Variants in NBAS observed in about 807,000 individuals in gnomAD.
The protein encoded by NBAS is NBAS subunit of NRZ tethering complex, also known as NAG/BC035112 fusion.
NBAS carries 219 observed loss-of-function variants against 302.5 expected under a neutral mutation model. The observed-to-expected ratio is 0.72, with a 90% CI of 0.65 to 0.81. The LOEUF is 0.81. Ranked by LOEUF, NBAS falls within the 30% of genes least tolerant of loss-of-function variation. NBAS has a pLI of 0.00. For synonymous variants in NBAS, 1,118 were observed against 1,021.6 expected (o/e 1.09, Z -1.80); for missense variants, 2,932 against 2,841.6 (o/e 1.03, Z -0.72).
At chr2:14,787,814 C>T in the NBAS span, among the ~76,000 whole-genome samples, 2 of 152,130 alleles carry the variant, frequency 1.3e-5, no homozygotes, top group Non-Finnish European at 2.9e-5. Flanking sequence ...AGTTGCTGTT[C>T]TCAAGGAGTA....
At chr2:14,793,981 C>T in the NBAS span, among the ~76,000 whole-genome samples, 1 of 152,026 alleles carries the variant, frequency 6.6e-6, no homozygotes, top group Non-Finnish European at 1.5e-5. Flanking sequence ...AGTAGAAATA[C>T]AAACATTCTC....
chr2:14,938,421 A>G, the NBAS span, among the ~76,000 whole-genome samples: 57 of 152,362 alleles, frequency 3.7e-4, no homozygotes, highest in South Asian at 2.1e-4. Context: ...AGAAAATTAA[A>G]TGATGTCAAA....
rs142006451 is a variant in NBAS at position 15,467,677 on chromosome 2, C to G, written c.2005G>C (p.Val669Leu). The change falls in exon 18 of 52, where the codon GTG (valine) becomes CTG (leucine). Residue 669 changes from valine (V) to leucine (L), a missense_variant. Transcript: ENST00000281513. ...CAACTCATTTACTTGGAAAAGTTCA[C>G]TAATTTCAGTAGTTCTTGTCTCTTC... ...LKKRQELLKL[V>L]NFSKLTLEQK... 6.2e-7 allele frequency: 1 copy of G among 1,612,254 alleles called. No individual in the cohort carries two copies. The highest frequency in any genetic ancestry group is 1.3e-5 in the African/African-American group (1 of 74,876).
the NBAS span, among the ~76,000 whole-genome samples, chr2:14,957,666 TG>T: frequency 4.6e-5 from 7 of 152,154 alleles, no homozygotes; most frequent in African/African-American, 1.7e-4. Context: ...GCCTCCTCCT[TG>T]GTCCCTCACC....
chr2:15,256,549 T>A (rs1668606362), intron 44 of NBAS, among the ~76,000 whole-genome samples: 1 of 152,228 alleles, frequency 6.6e-6, no homozygotes, highest in African/African-American at 2.4e-5. Context: ...TTTTTTCTCT[T>A]GTCTGACTGC....
chr2:15,104,937 T>G, the NBAS span, among the ~76,000 whole-genome samples: 1 of 152,082 alleles, frequency 6.6e-6, no homozygotes, highest in Non-Finnish European at 1.5e-5. Context: ...CCTTGTAGAT[T>G]CTAGATAGTA....
chr2:15,475,798 T>G lies in NBAS; in HGVS notation c.1230A>C (p.Leu410Phe). 1.2e-6 allele frequency: 2 copies of G among 1,614,112 alleles called. No individual in the cohort carries two copies. The highest frequency in any genetic ancestry group is 1.7e-6 in the Non-Finnish European group (2 of 1,179,980). The part of the protein sequence containing the change: ...AVTLARCSGA[L>F]TVSSVKTLKN... ...TCAAAGTTTTCACAGATGAAACAGT[T>G]AAAGCACCAGAGCATCGAGCTAAAG... The change falls in exon 14 of 52, where the codon TTA becomes TTC. Residue 410 changes from leucine (L) to phenylalanine (F), a missense_variant. Coordinates refer to ENST00000281513, the MANE Select transcript of NBAS (RefSeq NM_015909.4).
At chr2:15,047,939 G>A in the NBAS span, among the ~76,000 whole-genome samples, 4 of 152,236 alleles carry the variant, frequency 2.6e-5, no homozygotes, top group South Asian at 2.1e-4. Flanking sequence ...ATTAGAAAAC[G>A]TTCATCGGTT....
chr2:15,397,979 TTAAAC>T (rs1413728990), intron 26 of NBAS, among the ~76,000 whole-genome samples: 3 of 152,214 alleles, frequency 2.0e-5, no homozygotes, highest in Non-Finnish European at 4.4e-5. Context: ...CACTATCTGT[TTAAAC>T]TAAGTTTCAG....
At chr2:14,904,129 A>T in the NBAS span, among the ~76,000 whole-genome samples, 1 of 152,176 alleles carries the variant, frequency 6.6e-6, no homozygotes, top group Non-Finnish European at 1.5e-5. Context: ...AGGGCAAGGG[A>T]TGTGTATTAG....
chr2:15,275,078 C>T (rs758055268), intron 44 of NBAS, among the ~76,000 whole-genome samples: 2 of 152,040 alleles, frequency 1.3e-5, no homozygotes, highest in African/African-American at 4.8e-5. Context: ...CCGCTATGCC[C>T]GGCCAATAAC....
the NBAS span, among the ~76,000 whole-genome samples, chr2:15,050,632 C>T: frequency 6.6e-6 from 1 of 152,186 alleles, no homozygotes; most frequent in Non-Finnish European, 1.5e-5. Flanking sequence ...AGGGAGCATA[C>T]TCCCCTCTGG....
the NBAS span, among the ~76,000 whole-genome samples, chr2:15,155,191 A>G: frequency 3.0e-4 from 45 of 152,252 alleles, no homozygotes; most frequent in Non-Finnish European, 5.6e-4. Context: ...CCCATCTTTT[A>G]TCTATACATA....
chr2:15,105,467 AAAAG>A, the NBAS span, among the ~76,000 whole-genome samples: 3 of 150,066 alleles, frequency 2.0e-5, no homozygotes, highest in Non-Finnish European at 4.4e-5. Flanking sequence ...TACAAAAAAA[AAAAG>A]AAAGAAAGAA....
At chr2:15,188,823 T>G (rs1038156012) in intron 49 of NBAS, among the ~76,000 whole-genome samples, 1 of 152,206 alleles carries the variant, frequency 6.6e-6, no homozygotes, top group African/African-American at 2.4e-5. Flanking sequence ...CTCTTAGAGG[T>G]GTCATATTTT....
intron 11 of NBAS, among the ~76,000 whole-genome samples, chr2:15,500,901 G>C (rs1292786227): frequency 2.0e-5 from 3 of 150,982 alleles, no homozygotes; most frequent in African/African-American, 7.3e-5. Flanking sequence ...TCCAGCCTGG[G>C]TGACAGAGTG....
At chr2:15,169,426 T>G (rs1664189130) in intron 51 of NBAS, among the ~76,000 whole-genome samples, 1 of 152,188 alleles carries the variant, frequency 6.6e-6, no homozygotes, top group Non-Finnish European at 1.5e-5. Context: ...CTTCTCTCCC[T>G]GTCTCTTCAT....
At chr2:14,848,469 T>G in the NBAS span, among the ~76,000 whole-genome samples, 1 of 142,680 alleles carries the variant, frequency 7.0e-6, no homozygotes, top group Non-Finnish European at 1.5e-5. Flanking sequence ...CAGTCTGAGA[T>G]CAAACTGCAA....
chr2:14,939,071 A>G, the NBAS span, among the ~76,000 whole-genome samples: 2 of 152,260 alleles, frequency 1.3e-5, no homozygotes, highest in African/African-American at 4.8e-5. Flanking sequence ...CCACAGATAC[A>G]GATAGAGACT....
Sources: allele counts gnomAD v4.1 joint callset (sites outside exome capture counted in the v4.1 genomes callset), GRCh38; gene constraint gnomAD v4.1.1; transcripts MANE v1.5; gene names NCBI Gene and HGNC (gene_info 2026-07-23, HGNC 2026-07-21).